Variants in IGF1R observed in about 807,000 individuals in gnomAD.
The protein encoded by IGF1R is insulin like growth factor 1 receptor.
IGF1R carries 44 observed loss-of-function variants against 144.6 expected under a neutral mutation model. That is an observed-to-expected ratio of 0.30 (90% CI 0.24 to 0.39). The LOEUF (loss-of-function observed/expected upper bound fraction) is 0.39, where lower values mean the gene tolerates loss of function less well. IGF1R is among the 10% of genes least tolerant of loss of function. The pLI is 1.00. For synonymous variants in IGF1R, 795 were observed against 722.8 expected (o/e 1.10, Z -1.60); for missense variants, 1,355 against 1,833.7 (o/e 0.74, Z 4.77).
At chr15:98,864,639 G>A (rs2012330246) in intron 2 of IGF1R, among the ~76,000 whole-genome samples, 1 of 152,184 alleles carries the variant, frequency 6.6e-6, no homozygotes, top group African/African-American at 2.4e-5. Context: ...TCTCCAGTCG[G>A]CCTCCCAAAG....
At chr15:98,952,303 A>AACACAC (rs143223923) in intron 20 of IGF1R, among the ~76,000 whole-genome samples, 3,126 of 146,602 alleles carry the variant, frequency 0.021, 51 homozygotes, top group East Asian at 0.035. Context: ...GTACCCCACC[A>AACACAC]ACACACACAC....
At chr15:98,919,469 T>C (rs1299521725) in intron 10 of IGF1R, among the ~76,000 whole-genome samples, 2 of 152,246 alleles carry the variant, frequency 1.3e-5, no homozygotes, top group Non-Finnish European at 2.9e-5. Flanking sequence ...CTTTCAGTTG[T>C]AGTTACGAGG....
chr15:98,767,099 G>T (rs2055454203), intron 2 of IGF1R, among the ~76,000 whole-genome samples: 1 of 152,090 alleles, frequency 6.6e-6, no homozygotes, highest in Admixed American at 6.5e-5. Flanking sequence ...TGGTTCATTA[G>T]AATTCATTTA....
chr15:98,895,073 C>G (rs772974477), intron 3 of IGF1R, among the ~76,000 whole-genome samples: 2 of 150,806 alleles, frequency 1.3e-5, no homozygotes, highest in Admixed American at 1.3e-4. Context: ...TAGTGGTTGC[C>G]AGGTGTTAGG....
At position 98,753,228 on chromosome 15, in the gene IGF1R, G is replaced by A. The variant is rs535301147; in HGVS notation, c.640+45121G>A. ...TTACAGGTGTGAGCCATTACGTCCA[G>A]CCTTTTTTTTTTTTTAAATAAAGAG... On this transcript the variant is annotated intron_variant, in intron 2 of 20. Transcript: ENST00000650285. Among the ~76,000 whole-genome samples the A allele has an allele frequency of 1.6e-3, 167 of 103,124 alleles. 1 individual carries two copies. Among genetic ancestry groups the A allele is most frequent in the African/African-American group, 4.3e-3 (137 of 31,568 alleles). The allele number at this position is 103,124 out of a possible 152,430, so 67.7% of individuals were successfully genotyped here.
At position 98,688,948 on chromosome 15, in the gene IGF1R, G is replaced by A. The variant is rs28527483; in HGVS notation, c.95-18614G>A. Reference sequence around the variant, plus strand: ...ATGTGGATGGGTTCTCAGATGGCCTGATGTTTCTCCTCCTTCCTCTGTGTG... The same window carrying A: ...ATGTGGATGGGTTCTCAGATGGCCTAATGTTTCTCCTCCTTCCTCTGTGTG... On this transcript the variant is annotated intron_variant, in intron 1 of 20. Transcript: ENST00000650285. Among the ~76,000 whole-genome samples the A allele has an allele frequency of 4.6e-3, 693 of 152,298 alleles. 9 individuals are homozygous for A. The highest frequency in any genetic ancestry group is 0.016 in the African/African-American group (661 of 41,556).
chr15:98,806,221 C>G (rs1368033587), intron 2 of IGF1R, among the ~76,000 whole-genome samples: 1 of 152,130 alleles, frequency 6.6e-6, no homozygotes, highest in African/African-American at 2.4e-5. Context: ...GTGGACAGGA[C>G]AAGTGGAAGA....
At chr15:98,787,752 A>G (rs2056031799) in intron 2 of IGF1R, among the ~76,000 whole-genome samples, 1 of 152,216 alleles carries the variant, frequency 6.6e-6, no homozygotes, top group South Asian at 2.1e-4. Flanking sequence ...TTACTTTTGC[A>G]CCAACAAATA....
chr15:98,883,682 G>A (rs1334275367), intron 2 of IGF1R, among the ~76,000 whole-genome samples: 2 of 152,132 alleles, frequency 1.3e-5, no homozygotes, highest in Admixed American at 6.5e-5. Context: ...CGCCTGCCCC[G>A]GCTAGGCTGT....
At chr15:98,835,663 G>A (rs2057087068) in intron 2 of IGF1R, among the ~76,000 whole-genome samples, 1 of 152,200 alleles carries the variant, frequency 6.6e-6, no homozygotes, top group Admixed American at 6.5e-5. Flanking sequence ...GTCTGGAAAG[G>A]AGTCACAGAG....
At chr15:98,702,099 G>T (rs755844481) in intron 1 of IGF1R, among the ~76,000 whole-genome samples, 2 of 136,200 alleles carry the variant, frequency 1.5e-5, no homozygotes, top group Non-Finnish European at 3.0e-5. Flanking sequence ...TACAGTTCTC[G>T]TGTAGGTCTT....
At chr15:98,849,527 A>G (rs370163136) in intron 2 of IGF1R, among the ~76,000 whole-genome samples, 18 of 152,354 alleles carry the variant, frequency 1.2e-4, no homozygotes, top group African/African-American at 4.3e-4. Flanking sequence ...TTTCAACTCA[A>G]AATCCAGAAG....
intron 2 of IGF1R, among the ~76,000 whole-genome samples, chr15:98,756,697 G>A (rs887584442): frequency 5.3e-5 from 8 of 151,942 alleles, no homozygotes; most frequent in Non-Finnish European, 1.2e-4. Context: ...TAAGTTGAAT[G>A]CCTGTCTCAT....
chr15:98,671,946 A>G (rs1420513744), intron 1 of IGF1R, among the ~76,000 whole-genome samples: 1 of 152,218 alleles, frequency 6.6e-6, no homozygotes, highest in Non-Finnish European at 1.5e-5. Context: ...CGATAAGTCG[A>G]AAGAACTACA....
rs56141459 is a variant in IGF1R at position 98,929,675 on chromosome 15, A to T, written c.2885+15A>T. On this transcript the variant is annotated intron_variant, in intron 14 of 20. Transcript: ENST00000650285. ...CATAGAAAGAGGTCAGTGATGTGCA[A>T]AGTTATGACACTTTCTGTGGCTGAG... The T allele has an allele frequency of 6.6e-7, 1 of 1,514,852 alleles. No individual in the cohort carries two copies. The allele number at this position is 1,514,852 out of a possible 1,614,324, so 93.8% of individuals were successfully genotyped here. A position where few individuals can be genotyped will look rare whatever the true frequency, so the allele number is the denominator to read the frequency against.
intron 1 of IGF1R, chr15:98,660,431 G>A (rs1054378744): frequency 1.3e-5 from 2 of 152,226 alleles, no homozygotes; most frequent in Non-Finnish European, 2.9e-5. Context: ...CCACCATTGG[G>A]GAGGGGAATG....
chr15:98,904,662 A>T (rs902680283), intron 5 of IGF1R, among the ~76,000 whole-genome samples: 1 of 152,186 alleles, frequency 6.6e-6, no homozygotes, highest in Non-Finnish European at 1.5e-5. Context: ...CTGGGTTCTG[A>T]TGCCCCCTAG....
At chr15:98,732,600 A>ACAG (rs2141298898) in intron 2 of IGF1R, among the ~76,000 whole-genome samples, 1 of 152,244 alleles carries the variant, frequency 6.6e-6, no homozygotes, top group Non-Finnish European at 1.5e-5. Flanking sequence ...GGAGATAGAT[A>ACAG]CAGCAAGACT....
intron 15 of IGF1R, among the ~76,000 whole-genome samples, chr15:98,931,768 G>A (rs1465494311): frequency 1.3e-5 from 2 of 151,454 alleles, no homozygotes; most frequent in Non-Finnish European, 2.9e-5. Context: ...GGAGACTGAG[G>A]TGAAAGGATT....
Sources: gnomAD v4.1 joint callset for allele counts (sites outside exome capture counted in the v4.1 genomes callset) on GRCh38, gnomAD v4.1.1 for gene constraint, MANE v1.5 for transcripts, NCBI Gene and HGNC (gene_info 2026-07-23, HGNC 2026-07-21) for gene names.